Variants in RBL2 observed in about 807,000 individuals in gnomAD.
The protein encoded by RBL2 is RB transcriptional corepressor like 2, also known as retinoblastoma-like protein 2.
In RBL2, 56 loss-of-function variants were observed where a neutral mutation model predicts 126.0. That is an observed-to-expected ratio of 0.44 (90% CI 0.36 to 0.56). The LOEUF (loss-of-function observed/expected upper bound fraction) is 0.56. Among genes scored for constraint, RBL2 ranks in the 20% least tolerant of loss-of-function variants. The pLI is 0.00. For synonymous variants in RBL2, 454 were observed against 478.5 expected (o/e 0.95, Z 0.67); for missense variants, 1,229 against 1,398.2 (o/e 0.88, Z 1.93).
chr16:53,458,105 G>A (rs958950780), intron 8 of RBL2, among the ~76,000 whole-genome samples: 1 of 152,182 alleles, frequency 6.6e-6, no homozygotes, highest in Non-Finnish European at 1.5e-5. Flanking sequence ...CAAAGTGAAA[G>A]TCTTAGTTGT....
In RBL2 at chr16:53,459,616, A is replaced by G; in HGVS notation, c.1345A>G (p.Arg449Gly). Residue 449 changes from arginine (R) to glycine (G), a missense_variant and splice_region_variant, in exon 9 of 22, where the codon AGG becomes GGG. Arg to Gly is a moderately radical substitution (Grantham distance 125). Around this residue, in one of 2 missense-constraint regions of RBL2, gnomAD observed 1,070 missense variants for 1,274.3 expected, o/e 0.84. Coordinates refer to ENST00000262133, the MANE Select transcript of RBL2 (RefSeq NM_005611.4). The part of the protein sequence containing the change: ...APSEKLEQIL[R>G]TCSRDPTQAI... ...AAGTGAGAAACTGGAACAGATTCTCAGGTTAGTTTGAGCCCTGTCTGCTTT... is the reference window on the plus strand; with the variant it reads ...AAGTGAGAAACTGGAACAGATTCTCGGGTTAGTTTGAGCCCTGTCTGCTTT... The G allele has an allele frequency of 1.3e-6, 2 of 1,545,636 alleles. No homozygotes were observed. Among genetic ancestry groups the G allele is most frequent in the African/African-American group, 1.4e-5 (1 of 71,768 alleles).
chr16:53,439,954 C>CAAAAAAAAAA (rs10591959), intron 2 of RBL2, among the ~76,000 whole-genome samples: 5 of 91,964 alleles, frequency 5.4e-5, no homozygotes, highest in African/African-American at 2.0e-4. Flanking sequence ...ACCTTGTCTC[C>CAAAAAAAAAA]AAAAAAAAAA....
chr16:53,442,203 C>T (rs891085548), intron 2 of RBL2, among the ~76,000 whole-genome samples: 2 of 151,980 alleles, frequency 1.3e-5, no homozygotes, highest in Admixed American at 6.6e-5. Context: ...TCACAGTGTT[C>T]TAGGAAGCCA....
At chr16:53,434,876 A>G (rs1480997333) in intron 1 of RBL2, 80 bp downstream of exon 1, 11 of 1,400,164 alleles carry the variant, frequency 7.9e-6, no homozygotes, top group Non-Finnish European at 1.0e-5. Flanking sequence ...GCGCCTCGAG[A>G]GACTCTCGGG....
In RBL2 at chr16:53,462,614, A is replaced by G. The variant is rs150610062; in HGVS notation, c.1519A>G (p.Ile507Val). 3 of 1,575,036 alleles carry G rather than the reference A, an allele frequency of 1.9e-6. No individual in the cohort carries two copies. Among genetic ancestry groups the G allele is most frequent in the Non-Finnish European group, 2.6e-6 (3 of 1,167,262 alleles). The change falls in exon 11 of 22, where the codon ATT (isoleucine) becomes GTT (valine). Residue 507 changes from isoleucine (I) to valine (V), a missense_variant. Coordinates refer to ENST00000262133, the MANE Select transcript of RBL2 (RefSeq NM_005611.4). ...TTACTATAAAGTATTAGAATCTGTT[A>G]TTGAGCAGGAACAAAAAAGACTAGG... ...MLYYKVLESV[I>V]EQEQKRLGDM...
At chr16:53,478,306 C>T (rs1200661543) in intron 17 of RBL2, among the ~76,000 whole-genome samples, 5 of 152,050 alleles carry the variant, frequency 3.3e-5, no homozygotes, top group Admixed American at 2.6e-4. Context: ...TATCTGGGTA[C>T]GGATGAGTTT....
intron 9 of RBL2, among the ~76,000 whole-genome samples, chr16:53,459,924 G>A (rs886186987): frequency 2.0e-5 from 3 of 151,966 alleles, no homozygotes; most frequent in South Asian, 2.1e-4. Context: ...AGGTGGGGGC[G>A]GGGGGAAGCT....
intron 4 of RBL2, among the ~76,000 whole-genome samples, chr16:53,447,628 G>C (rs992227711): frequency 1.1e-4 from 16 of 151,238 alleles, no homozygotes; most frequent in Admixed American, 1.1e-3. Flanking sequence ...ATTATTTTTT[G>C]TCCTTTTTGT....
chr16:53,486,967 C>T (rs1393173078), intron 21 of RBL2, among the ~76,000 whole-genome samples: 3 of 151,612 alleles, frequency 2.0e-5, no homozygotes, highest in Admixed American at 2.0e-4. Flanking sequence ...TTTAAAATTA[C>T]TTAGGGGTAG....
At chr16:53,461,148 C>T (rs1460253854) in intron 9 of RBL2, among the ~76,000 whole-genome samples, 2 of 151,928 alleles carry the variant, frequency 1.3e-5, no homozygotes. Flanking sequence ...GGGGGACAGT[C>T]ATAGATATCG....
intron 4 of RBL2, among the ~76,000 whole-genome samples, chr16:53,451,273 A>G (rs1045379161): frequency 2.6e-5 from 4 of 152,186 alleles, no homozygotes. Flanking sequence ...TGGGAGGCCA[A>G]GGCAGAAGGA....
At position 53,470,853 on chromosome 16, in the gene RBL2, G is replaced by C; in HGVS notation, c.2634G>C (p.Gln878His). ...CCTGCTTTGAATTCTCCATAATTCA[G>C]TGTCCTGAACTTATGATGGACAGAC... is the stretch of plus-strand genomic sequence containing the variant. ...IWTCFEFSIIQCPELMMDRHL... is the reference protein window; with the variant it reads ...IWTCFEFSIIHCPELMMDRHL... The change falls in exon 17 of 22, where the codon CAG becomes CAC. Residue 878 changes from glutamine (Q) to histidine (H), a missense_variant. Physicochemically the swap from Gln to His is conservative, Grantham distance 24. This residue lies in a region of RBL2 where 1,070 missense variants were observed against 1,274.3 expected (regional missense o/e 0.84). Coordinates refer to ENST00000262133, the MANE Select transcript of RBL2 (RefSeq NM_005611.4). 9 of 1,614,130 alleles carry C rather than the reference G, an allele frequency of 5.6e-6. No homozygotes were observed. The highest frequency in any genetic ancestry group is 7.6e-6 in the Non-Finnish European group (9 of 1,179,974).
At position 53,479,210 on chromosome 16, in the gene RBL2, G is replaced by T; in HGVS notation, c.2760G>T (p.Pro920=). The change falls in exon 18 of 22, where the codon CCG becomes CCT. Residue 920 remains proline (P), a synonymous_variant. Coordinates refer to ENST00000262133, the MANE Select transcript of RBL2 (RefSeq NM_005611.4). Reference sequence around the variant, plus strand: ...TTATGCGTTGTTATAGGACTCAGCCGCAGGCCCGGAGCCAGGTAACTACAT... The same window carrying T: ...TTATGCGTTGTTATAGGACTCAGCCTCAGGCCCGGAGCCAGGTAACTACAT... The part of the protein sequence containing the change: ...QNIMRCYRTQ[P]QARSQVYRSV... 6.2e-7 allele frequency: 1 copy of T among 1,613,498 alleles called. No individual in the cohort carries two copies. Among genetic ancestry groups the T allele is most frequent in the Non-Finnish European group, 8.5e-7 (1 of 1,179,516 alleles).
chr16:53,439,619 AAT>A (rs2057994587), intron 2 of RBL2, among the ~76,000 whole-genome samples: 1 of 152,180 alleles, frequency 6.6e-6, no homozygotes, highest in Non-Finnish European at 1.5e-5. Flanking sequence ...GAAAGGGTCA[AAT>A]ATGTTTAAAA....
rs774007084 is a variant in RBL2 at position 53,462,526 on chromosome 16, G to GT, written c.1457-26_1457-25insT. 8.8e-5 allele frequency: 118 copies of GT among 1,337,314 alleles called. No individual in the cohort carries two copies. In the African/African-American group the frequency reaches 1.5e-3, roughly 17 times the overall value. The allele number at this position is 1,337,314 out of a possible 1,614,324, so 82.8% of individuals were successfully genotyped here. On this transcript the variant is annotated intron_variant, in intron 10 of 21. Coordinates refer to ENST00000262133, the MANE Select transcript of RBL2 (RefSeq NM_005611.4). ...TTTTCTTTGTGTGCCATTTTTGTGG[G>GT]GTTTTTTTTTTTATTATTTCTACAG...
rs1961424359 is a variant in RBL2, at chr16:53,491,209, ATG to A, written c.*910_*911del. The A allele has an allele frequency of 6.6e-6, 1 of 152,246 alleles. No individual in the cohort carries two copies. The highest frequency in any genetic ancestry group is 1.5e-5 in the Non-Finnish European group (1 of 68,038). 9.4% of individuals were successfully genotyped at this position (152,246 alleles called of 1,614,324 possible). Reference sequence around the variant, plus strand: ...ATTGAGGGGATTAATATGAAAACTTATGACCTCTTCCTTTAGGAGGGAGTTAT... The same window carrying A: ...ATTGAGGGGATTAATATGAAAACTTAACCTCTTCCTTTAGGAGGGAGTTAT... On this transcript the variant is annotated 3_prime_UTR_variant, in exon 22 of 22. Transcript: ENST00000262133.
Position 53,453,470 on chromosome 16 carries a change from A to T in RBL2, c.785A>T (p.His262Leu), listed in dbSNP as rs1338159787. 1 of 1,612,786 alleles carries T rather than the reference A, an allele frequency of 6.2e-7. No homozygotes were observed. The highest frequency in any genetic ancestry group is 2.2e-5 in the East Asian group (1 of 44,784). The part of the protein sequence containing the change: ...PNFKGLSEDF[H>L]AKDSKPSSDP... ...ACCATAGGCTTATCTGAAGATTTTC[A>T]TGCTAAAGATTCTAAACCTTCCTCT... Residue 262 changes from histidine to leucine, a missense_variant, in exon 6 of 22, where the codon CAT becomes CTT. His to Leu is a moderately conservative substitution (Grantham distance 99). Around this residue, in one of 2 missense-constraint regions of RBL2, gnomAD observed 1,070 missense variants for 1,274.3 expected, o/e 0.84. Transcript: ENST00000262133.
At chr16:53,485,925 A>G (rs1567749663) in intron 21 of RBL2, among the ~76,000 whole-genome samples, 1 of 152,150 alleles carries the variant, frequency 6.6e-6, no homozygotes, top group African/African-American at 2.4e-5. Flanking sequence ...TGATTCCTCT[A>G]TGTACAGAAT....
In RBL2 at chr16:53,434,578, T is replaced by A; in HGVS notation, c.22T>A (p.Ser8Thr). 1 of 1,532,406 alleles carries A rather than the reference T, an allele frequency of 6.5e-7. No individual in the cohort carries two copies. Among genetic ancestry groups the A allele is most frequent in the Non-Finnish European group, 8.7e-7 (1 of 1,148,460 alleles). 94.9% of individuals were successfully genotyped at this position (1,532,406 alleles called of 1,614,324 possible). Residue 8 changes from serine to threonine, a missense_variant, in exon 1 of 22, where the codon TCG (serine) becomes ACG (threonine). Physicochemically the swap from Ser to Thr is moderately conservative, Grantham distance 58. Around this residue, in one of 2 missense-constraint regions of RBL2, gnomAD observed 159 missense variants for 123.9 expected, o/e 1.28. Transcript: ENST00000262133. MPSGGDQ[S>T]PPPPPPPPAA... ...CGCTATGCCGTCGGGAGGTGACCAG[T>A]CGCCACCGCCCCCGCCTCCCCCTCC...
Sources: gnomAD v4.1 joint callset for allele counts (sites outside exome capture counted in the v4.1 genomes callset) on GRCh38, gnomAD v4.1.1 for gene constraint, gnomAD v4.1.1 regional missense constraint, MANE v1.5 for transcripts, NCBI Gene and HGNC (gene_info 2026-07-23, HGNC 2026-07-21) for gene names.